Variants in TBC1D32 observed in about 807,000 individuals in gnomAD.
TBC1D32 encodes TBC1 domain family member 32.
In TBC1D32, 151 loss-of-function variants were observed where a neutral mutation model predicts 170.3. The ratio of observed to expected loss-of-function variants is 0.89; its 90% CI spans 0.78 to 1.01. The LOEUF (loss-of-function observed/expected upper bound fraction) is 1.01. Among genes scored for constraint, TBC1D32 ranks in the 50% least tolerant of loss-of-function variants. The probability of loss-of-function intolerance (pLI) is 0.00; values close to 1 mark genes in which losing one functional copy is unlikely to be tolerated. For missense variants in TBC1D32, 1,464 were observed against 1,457.1 expected (o/e 1.00, Z -0.08); for synonymous variants, 498 against 488.0 (o/e 1.02, Z -0.27).
intron 15 of TBC1D32, among the ~76,000 whole-genome samples, chr6:121,278,389 T>C (rs1397753161): frequency 6.6e-6 from 1 of 152,120 alleles, no homozygotes; most frequent in African/African-American, 2.4e-5. Flanking sequence ...GAATGATTTA[T>C]ATATCATGAA....
At chr6:121,275,491 G>A (rs563773461) in intron 15 of TBC1D32, among the ~76,000 whole-genome samples, 1 of 152,164 alleles carries the variant, frequency 6.6e-6, no homozygotes, top group Non-Finnish European at 1.5e-5. Flanking sequence ...GCAATGAGAT[G>A]CTCAAACTCA....
chr6:121,109,774 T>C (rs568408531), intron 29 of TBC1D32, among the ~76,000 whole-genome samples: 2 of 152,294 alleles, frequency 1.3e-5, no homozygotes, highest in African/African-American at 2.4e-5. Context: ...AATATAGTCA[T>C]AGTTTATAAA....
At chr6:121,208,747 A>AAAC (rs1554269715) in intron 21 of TBC1D32, among the ~76,000 whole-genome samples, 1 of 150,166 alleles carries the variant, frequency 6.7e-6, no homozygotes, top group East Asian at 1.9e-4. Flanking sequence ...AAAAAAAAAA[A>AAAC]CAGAAATTAA....
At chr6:121,168,700 C>G (rs1326127662) in intron 22 of TBC1D32, among the ~76,000 whole-genome samples, 1 of 59,180 alleles carries the variant, frequency 1.7e-5, no homozygotes, top group Non-Finnish European at 3.0e-5. Flanking sequence ...TACCCTAAAA[C>G]TTAGAGTATA....
At chr6:121,209,263 C>T (rs1792740310) in intron 21 of TBC1D32, among the ~76,000 whole-genome samples, 1 of 152,070 alleles carries the variant, frequency 6.6e-6, no homozygotes, top group Non-Finnish European at 1.5e-5. Flanking sequence ...ACAATCTATG[C>T]CATAAGCCCA....
intron 17 of TBC1D32, among the ~76,000 whole-genome samples, chr6:121,249,914 C>A (rs1183300305): frequency 6.6e-6 from 1 of 151,786 alleles, no homozygotes. Flanking sequence ...CTGCCAAAAG[C>A]AATCCACAGA....
chr6:121,080,858 ATCAC>A lies in TBC1D32; in HGVS notation c.3683_3686del (p.Ser1228IlefsTer18). 1 of 1,613,952 alleles carries A rather than the reference ATCAC, an allele frequency of 6.2e-7. No individual in the cohort carries two copies. The highest frequency in any genetic ancestry group is 8.5e-7 in the Non-Finnish European group (1 of 1,179,910). ...CCAAAATTTCCATGTATTCAAAATA[ATCAC>A]TCACTCGAAACCCATGCAGTGCTTC... is the stretch of plus-strand genomic sequence containing the variant. On this transcript the variant is annotated frameshift_variant, in exon 32 of 32. Coordinates refer to ENST00000398212, the MANE Select transcript of TBC1D32 (RefSeq NM_152730.6). LOFTEE classifies it high-confidence loss of function.
At chr6:121,292,789 T>C (rs1805064822) in intron 11 of TBC1D32, among the ~76,000 whole-genome samples, 1 of 152,124 alleles carries the variant, frequency 6.6e-6, no homozygotes, top group Non-Finnish European at 1.5e-5. Context: ...CTTAGAGAAT[T>C]CACATCAGCA....
rs1775458817 is a variant in TBC1D32, at chr6:121,079,639, T to C, written c.*1132A>G. On this transcript the variant is annotated 3_prime_UTR_variant, in exon 32 of 32. Transcript: ENST00000398212. ...ATATATTCGTGTATTATCTTTCATA[T>C]ACTCATTGTGAGTTAAGATATAAAA... 1 of 152,206 alleles carries C rather than the reference T, an allele frequency of 6.6e-6. No individual in the cohort carries two copies. The highest frequency in any genetic ancestry group is 6.5e-5 in the Admixed American group (1 of 15,282). The allele number at this position is 152,206 out of a possible 1,614,324, so 9.4% of individuals were successfully genotyped here.
chr6:121,234,686 T>G (rs1796129041), intron 20 of TBC1D32, among the ~76,000 whole-genome samples: 1 of 152,198 alleles, frequency 6.6e-6, no homozygotes, highest in Admixed American at 6.5e-5. Flanking sequence ...ATTAGCTGAG[T>G]AATCAACCTT....
At chr6:121,301,426 C>T (rs111745623) in intron 9 of TBC1D32, among the ~76,000 whole-genome samples, 2,745 of 152,200 alleles carry the variant, frequency 0.018, 87 homozygotes, top group African/African-American at 0.064. Flanking sequence ...TCTCAGCAAA[C>T]TTTCAGAAGA....
chr6:121,152,199 G>A (rs1050357568), intron 24 of TBC1D32, among the ~76,000 whole-genome samples: 1 of 152,160 alleles, frequency 6.6e-6, no homozygotes, highest in South Asian at 2.1e-4. Flanking sequence ...CAGGCCTGGA[G>A]TGACAAAATC....
intron 22 of TBC1D32, among the ~76,000 whole-genome samples, chr6:121,173,115 T>C (rs1485395049): frequency 3.3e-5 from 5 of 152,118 alleles, no homozygotes; most frequent in African/African-American, 1.2e-4. Flanking sequence ...AGATCCACCC[T>C]CAGTCTGGGT....
At chr6:121,127,167 A>T (rs1016968997) in intron 25 of TBC1D32, among the ~76,000 whole-genome samples, 1 of 152,158 alleles carries the variant, frequency 6.6e-6, no homozygotes, top group Non-Finnish European at 1.5e-5. Flanking sequence ...TTTACTCACT[A>T]TGTAAAATTG....
At chr6:121,328,547 G>A (rs1405205884) in intron 1 of TBC1D32, among the ~76,000 whole-genome samples, 4 of 152,074 alleles carry the variant, frequency 2.6e-5, no homozygotes, top group Admixed American at 2.6e-4. Context: ...GCCTCCCAAA[G>A]TGTTGGGATT....
Position 121,241,509 on chromosome 6 carries a change from C to T in TBC1D32, c.2201G>A (p.Arg734Gln), listed in dbSNP as rs750440790. The T allele has an allele frequency of 6.2e-6, 10 of 1,613,352 alleles. No individual in the cohort carries two copies. In the African/African-American group the frequency reaches 6.7e-5, roughly 11 times the overall value. ...GCCACCTGCTGCTGTTGATGCCACT[C>T]GTGTAACCAAAACTCCATAGCCAAA... is the stretch of plus-strand genomic sequence containing the variant. Reference protein sequence around the residue: ...KKFGYGVLVTRVASTAAGGIA... With the variant: ...KKFGYGVLVTQVASTAAGGIA... The change falls in exon 19 of 32, where the codon CGA (arginine) becomes CAA (glutamine). Residue 734 changes from arginine (R) to glutamine (Q), a missense_variant. Coordinates refer to ENST00000398212, the MANE Select transcript of TBC1D32 (RefSeq NM_152730.6).
intron 15 of TBC1D32, among the ~76,000 whole-genome samples, chr6:121,269,844 T>C (rs1425862937): frequency 6.6e-6 from 1 of 152,136 alleles, no homozygotes; most frequent in Non-Finnish European, 1.5e-5. Flanking sequence ...TATTCCAAAA[T>C]TGACCACATA....
chr6:121,100,290 G>C (rs375791372), intron 30 of TBC1D32, among the ~76,000 whole-genome samples: 1 of 151,910 alleles, frequency 6.6e-6, no homozygotes. Context: ...GGTCCGATTG[G>C]TGCAGAGCTG....
chr6:121,318,169 C>T (rs1290475754), intron 2 of TBC1D32, among the ~76,000 whole-genome samples: 3 of 152,058 alleles, frequency 2.0e-5, no homozygotes, highest in African/African-American at 7.2e-5. Flanking sequence ...TGTATACTCC[C>T]AAGACCTATG....
Sources: gnomAD v4.1 joint callset for allele counts (sites outside exome capture counted in the v4.1 genomes callset) on GRCh38, gnomAD v4.1.1 for gene constraint, MANE v1.5 for transcripts, NCBI Gene and HGNC (gene_info 2026-07-23, HGNC 2026-07-21) for gene names.